Variants in FER observed in about 807,000 individuals in gnomAD.
FER encodes tyrosine-protein kinase Fer.
FER carries 63 observed loss-of-function variants against 111.0 expected under a neutral mutation model. The observed-to-expected ratio is 0.57, with a 90% CI of 0.46 to 0.70. The LOEUF (loss-of-function observed/expected upper bound fraction) is 0.70, where lower values mean the gene tolerates loss of function less well. Ranked by LOEUF, FER falls within the 30% of genes least tolerant of loss-of-function variation. The pLI is 0.00. For synonymous variants in FER, 327 were observed against 313.9 expected (o/e 1.04, Z -0.44); for missense variants, 914 against 954.0 (o/e 0.96, Z 0.55).
intron 5 of FER, among the ~76,000 whole-genome samples, chr5:108,837,343 C>T (rs1561490604): frequency 6.6e-6 from 1 of 152,188 alleles, no homozygotes. Context: ...CTCCAAGTCT[C>T]ACTCTCTTGC....
At chr5:108,760,695 A>G (rs1045559687) in intron 1 of FER, among the ~76,000 whole-genome samples, 13 of 152,190 alleles carry the variant, frequency 8.5e-5, no homozygotes, top group African/African-American at 3.1e-4. Context: ...ACTTCATAGA[A>G]TTGAAGAGAG....
chr5:108,807,180 C>T (rs1003190957), intron 3 of FER, among the ~76,000 whole-genome samples: 10 of 152,152 alleles, frequency 6.6e-5, no homozygotes, highest in African/African-American at 2.4e-4. Context: ...TGCCGCCATC[C>T]ATGTAAGATG....
intron 11 of FER, 79 bp downstream of exon 11, chr5:108,946,301 T>G: frequency 1.1e-6 from 1 of 900,118 alleles, no homozygotes; most frequent in Non-Finnish European, 1.8e-6. Context: ...AATATATATA[T>G]ATGTGTGTGT....
Position 108,811,337 on chromosome 5 carries a change from T to C in FER, c.207+12948T>C, listed in dbSNP as rs575542898. ...TGTTATATTACTTAATTTTCAAATGTATATATATTTTGCCATGGATCTCTT... is the reference window on the plus strand; with the variant it reads ...TGTTATATTACTTAATTTTCAAATGCATATATATTTTGCCATGGATCTCTT... On this transcript the variant is annotated intron_variant, in intron 3 of 19. Transcript: ENST00000281092. 2.0e-4 allele frequency among the ~76,000 whole-genome samples: 30 copies of C among 152,360 alleles called. No homozygotes were observed. The South Asian group carries it at 5.2e-3, about 26-fold the overall frequency.
At chr5:108,925,851 T>C (rs939781647) in intron 10 of FER, among the ~76,000 whole-genome samples, 1 of 152,066 alleles carries the variant, frequency 6.6e-6, no homozygotes, top group Admixed American at 6.5e-5. Context: ...TTTATAAATT[T>C]ATAAAAATAT....
intron 2 of FER, among the ~76,000 whole-genome samples, chr5:108,782,391 G>A (rs1754189099): frequency 1.3e-5 from 2 of 151,554 alleles, no homozygotes; most frequent in Admixed American, 6.6e-5. Flanking sequence ...CATAGACCAC[G>A]TTTCTTACAT....
chr5:108,990,935 A>G (rs1018097987), intron 13 of FER, among the ~76,000 whole-genome samples: 4 of 151,854 alleles, frequency 2.6e-5, no homozygotes, highest in Admixed American at 2.0e-4. Context: ...AAATATGTAC[A>G]TAACTTATGA....
intron 16 of FER, among the ~76,000 whole-genome samples, chr5:109,081,211 T>C (rs1003870777): frequency 6.6e-6 from 1 of 152,142 alleles, no homozygotes; most frequent in Admixed American, 6.6e-5. Flanking sequence ...TGCAAGTTTA[T>C]GTAGTAAAAC....
At chr5:109,089,760 T>G (rs1777955615) in intron 16 of FER, among the ~76,000 whole-genome samples, 3 of 152,118 alleles carry the variant, frequency 2.0e-5, no homozygotes, top group Non-Finnish European at 4.4e-5. Flanking sequence ...TCTCCTGGGT[T>G]TGAGGAAGAG....
At chr5:108,825,848 C>T (rs1201370885) in intron 3 of FER, among the ~76,000 whole-genome samples, 1 of 152,208 alleles carries the variant, frequency 6.6e-6, no homozygotes, top group East Asian at 1.9e-4. Flanking sequence ...CATTTGGGGT[C>T]CCTGACTTCC....
At chr5:108,819,879 A>T (rs1371542595) in intron 3 of FER, 1 of 985,314 alleles carries the variant, frequency 1.0e-6, no homozygotes, top group Non-Finnish European at 1.2e-6. Flanking sequence ...AGTTTGAAAA[A>T]AGATAGATAA....
intron 16 of FER, among the ~76,000 whole-genome samples, chr5:109,099,219 T>C (rs958587759): frequency 3.3e-5 from 5 of 151,446 alleles, no homozygotes; most frequent in African/African-American, 4.8e-5. Flanking sequence ...AAAAGAAAAA[T>C]AAGCCAAAGC....
chr5:109,126,426 G>A (rs1489531883), intron 17 of FER, among the ~76,000 whole-genome samples: 1 of 152,150 alleles, frequency 6.6e-6, no homozygotes, highest in Non-Finnish European at 1.5e-5. Flanking sequence ...CCACTACACA[G>A]AAAGTTCTTG....
At chr5:108,848,341 G>A (rs918453121) in intron 5 of FER, among the ~76,000 whole-genome samples, 1 of 152,140 alleles carries the variant, frequency 6.6e-6, no homozygotes, top group Non-Finnish European at 1.5e-5. Context: ...TATAATGTTA[G>A]GTTTAATCTG....
intron 9 of FER, among the ~76,000 whole-genome samples, chr5:108,890,095 C>A (rs1440808322): frequency 1.3e-5 from 2 of 152,010 alleles, no homozygotes; most frequent in Non-Finnish European, 2.9e-5. Context: ...TTTAGCCACA[C>A]TTCCTTCAGT....
At chr5:108,782,552 A>G (rs1295329911) in intron 2 of FER, 1 of 152,110 alleles carries the variant, frequency 6.6e-6, no homozygotes, top group Non-Finnish European at 1.5e-5. Flanking sequence ...TTTAGATCTG[A>G]AAGATTTCCT....
intron 17 of FER, among the ~76,000 whole-genome samples, chr5:109,134,441 C>T (rs778686199): frequency 2.6e-5 from 4 of 152,032 alleles, no homozygotes; most frequent in Non-Finnish European, 4.4e-5. Context: ...TTTTCTTTGT[C>T]ATTTATTAAA....
intron 11 of FER, among the ~76,000 whole-genome samples, chr5:108,948,440 A>G (rs563042595): frequency 1.8e-4 from 28 of 152,236 alleles, no homozygotes; most frequent in African/African-American, 6.5e-4. Flanking sequence ...CAGTGTACCA[A>G]AGGGGTTAAA....
At chr5:109,128,144 A>G (rs1025544454) in intron 17 of FER, among the ~76,000 whole-genome samples, 2 of 152,168 alleles carry the variant, frequency 1.3e-5, no homozygotes, top group African/African-American at 4.8e-5. Context: ...GCCATGAAAA[A>G]GAAATATATT....
Sources: gnomAD v4.1 joint callset for allele counts (sites outside exome capture counted in the v4.1 genomes callset) on GRCh38, gnomAD v4.1.1 for gene constraint, MANE v1.5 for transcripts, NCBI Gene and HGNC (gene_info 2026-07-23, HGNC 2026-07-21) for gene names.